The following ROR2 variants were observed in gnomAD, a reference collection of about 807,000 sequenced individuals.
ROR2 encodes ROR family WNT receptor 2, also known as tyrosine-protein kinase transmembrane receptor ROR2.
In ROR2, 33 loss-of-function variants were observed where a neutral mutation model predicts 74.9. The ratio of observed to expected loss-of-function variants is 0.44; its 90% confidence interval spans 0.33 to 0.59. The LOEUF (loss-of-function observed/expected upper bound fraction) is 0.59, where lower values mean the gene tolerates loss of function less well. Among genes scored for constraint, ROR2 ranks in the 20% least tolerant of loss-of-function variants. The probability of loss-of-function intolerance (pLI) is 0.02; values close to 1 mark genes in which losing one functional copy is unlikely to be tolerated. For synonymous variants in ROR2, 586 were observed against 558.7 expected, an observed-to-expected ratio of 1.05 and a Z score of -0.69; for missense variants, 1,216 against 1,313.8, an observed-to-expected ratio of 0.93 and a Z score of 1.15.
intron 1 of ROR2, among the ~76,000 whole-genome samples, chr9:91,932,862 A>G (rs187622193): frequency 4.6e-5 from 7 of 152,322 alleles, no homozygotes; most frequent in Non-Finnish European, 1.5e-5. Flanking sequence ...TGCCATTTCT[A>G]TTTTTCATAC....
intron 1 of ROR2, among the ~76,000 whole-genome samples, chr9:91,891,252 C>CTTTTTTTTTTTTTTTTTTT (rs59835723): frequency 7.3e-6 from 1 of 136,852 alleles, no homozygotes; most frequent in Non-Finnish European, 1.6e-5. Flanking sequence ...CTGTTCCTTT[C>CTTTTTTTTTTTTTTTTTTT]TTTTTTTTTT....
intron 4 of ROR2, among the ~76,000 whole-genome samples, chr9:91,739,165 A>C (rs1825134361): frequency 6.6e-6 from 1 of 152,174 alleles, no homozygotes; most frequent in South Asian, 2.1e-4. Flanking sequence ...TCGGCTTTCC[A>C]TTCTACATCC....
chr9:91,790,196 C>A (rs973278190), intron 1 of ROR2, among the ~76,000 whole-genome samples: 20 of 152,084 alleles, frequency 1.3e-4, no homozygotes, highest in African/African-American at 4.8e-4. Flanking sequence ...CACTGCTCTA[C>A]CAGTCATATA....
intron 2 of ROR2, among the ~76,000 whole-genome samples, chr9:91,762,891 A>G (rs1825957781): frequency 6.6e-6 from 1 of 152,172 alleles, no homozygotes; most frequent in Non-Finnish European, 1.5e-5. Flanking sequence ...TTTAATGACC[A>G]CCTATATAGA....
In ROR2 at chr9:91,850,165, T is replaced by C. The variant is rs545985420; in HGVS notation, c.98-74347A>G. Among the ~76,000 whole-genome samples, 11 of 152,326 alleles carry C rather than the reference T, an allele frequency of 7.2e-5. No homozygotes were observed. In the South Asian group the frequency reaches 2.3e-3, roughly 32 times the overall value. ...AGCTGACTGTCCTCCAAAGTGGATG[T>C]GGTAATCTATACTCCACAGTTTATT... is the stretch of plus-strand genomic sequence containing the variant. On this transcript the variant is annotated intron_variant, in intron 1 of 8. Coordinates refer to ENST00000375708, the MANE Select transcript of ROR2 (RefSeq NM_004560.4).
intron 1 of ROR2, among the ~76,000 whole-genome samples, chr9:91,929,415 T>C (rs1042078668): frequency 3.9e-5 from 6 of 152,166 alleles, no homozygotes; most frequent in African/African-American, 1.2e-4. Context: ...ATGGACGCCC[T>C]TGCAGCTTCT....
chr9:91,795,026 G>A (rs1279953273), intron 1 of ROR2, among the ~76,000 whole-genome samples: 1 of 152,108 alleles, frequency 6.6e-6, no homozygotes, highest in South Asian at 2.1e-4. Context: ...GGAGGTTGAG[G>A]AGGCTTGCTT....
intron 1 of ROR2, among the ~76,000 whole-genome samples, chr9:91,894,766 A>G (rs1830498275): frequency 6.6e-6 from 1 of 152,206 alleles, no homozygotes; most frequent in East Asian, 1.9e-4. Context: ...CCTCCTATCC[A>G]AAACACTGAT....
chr9:91,772,812 T>C (rs1445153297), intron 2 of ROR2, among the ~76,000 whole-genome samples: 2 of 152,088 alleles, frequency 1.3e-5, no homozygotes, highest in Non-Finnish European at 2.9e-5. Flanking sequence ...GATTATCAAA[T>C]CCCAACAAAC....
intron 5 of ROR2, among the ~76,000 whole-genome samples, chr9:91,735,865 C>T (rs1302826950): frequency 1.3e-5 from 2 of 151,972 alleles, no homozygotes; most frequent in South Asian, 2.1e-4. Context: ...ATTTGCCCGC[C>T]TCAGCCTCCG....
At chr9:91,758,573 G>T (rs1325586615) in intron 2 of ROR2, among the ~76,000 whole-genome samples, 1 of 152,204 alleles carries the variant, frequency 6.6e-6, no homozygotes, top group Non-Finnish European at 1.5e-5. Flanking sequence ...GCAGACAGAA[G>T]CAGTCCCGCG....
At chr9:91,754,684 T>C (rs948789516) in intron 4 of ROR2, among the ~76,000 whole-genome samples, 1 of 151,882 alleles carries the variant, frequency 6.6e-6, no homozygotes. Flanking sequence ...ATAAAAGACA[T>C]AAATATAAAA....
At chr9:91,795,525 G>A (rs1406921808) in intron 1 of ROR2, among the ~76,000 whole-genome samples, 3 of 152,130 alleles carry the variant, frequency 2.0e-5, no homozygotes, top group Admixed American at 2.0e-4. Context: ...AGAATTTATT[G>A]AATGAATTAA....
chr9:91,857,666 T>C (rs1373678312), intron 1 of ROR2, among the ~76,000 whole-genome samples: 1 of 152,058 alleles, frequency 6.6e-6, no homozygotes, highest in East Asian at 1.9e-4. Context: ...GGCAGGCCCC[T>C]GTCTTCTGGG....
At chr9:91,741,304 GTAATAATAATAATAATAATAATAA>G (rs149995684) in intron 4 of ROR2, among the ~76,000 whole-genome samples, 5 of 135,608 alleles carry the variant, frequency 3.7e-5, no homozygotes, top group African/African-American at 1.4e-4. Flanking sequence ...GTCTCAAGTA[GTAATAATAATAATAATAATAATAA>G]TAATAATAAT....
chr9:91,751,652 T>C (rs1205561613), intron 4 of ROR2, among the ~76,000 whole-genome samples: 1 of 152,222 alleles, frequency 6.6e-6, no homozygotes, highest in Non-Finnish European at 1.5e-5. Flanking sequence ...TCTTCAGGTA[T>C]CTGGTACTCA....
chr9:91,773,782 G>A (rs1027889388), intron 2 of ROR2, among the ~76,000 whole-genome samples: 7 of 152,084 alleles, frequency 4.6e-5, no homozygotes, highest in Non-Finnish European at 5.9e-5. Context: ...ACTGGGCTTC[G>A]CACACACTTC....
chr9:91,823,696 G>C (rs1409468747), intron 1 of ROR2, among the ~76,000 whole-genome samples: 2 of 152,202 alleles, frequency 1.3e-5, no homozygotes, highest in African/African-American at 4.8e-5. Flanking sequence ...TTATGTGTGT[G>C]TTTGCAGTAT....
At chr9:91,838,505 C>G (rs1235799118) in intron 1 of ROR2, among the ~76,000 whole-genome samples, 2 of 152,190 alleles carry the variant, frequency 1.3e-5, no homozygotes, top group Non-Finnish European at 2.9e-5. Context: ...TTTGTATAGA[C>G]AAGACACGAA....
Sources: gnomAD v4.1 joint callset for allele counts (sites outside exome capture counted in the v4.1 genomes callset) on GRCh38, gnomAD v4.1.1 for gene constraint, MANE v1.5 for transcripts, NCBI Gene and HGNC (gene_info 2026-07-23, HGNC 2026-07-21) for gene names.